Variants in SRCIN1 observed in about 807,000 individuals in gnomAD.
SRCIN1 encodes the protein P130Cas-associated protein.
SRCIN1 carries 50 observed loss-of-function variants against 116.2 expected under a neutral mutation model. That is an observed-to-expected ratio of 0.43 (90% CI 0.34 to 0.54). The LOEUF is 0.54. SRCIN1 is among the 20% of genes least tolerant of loss of function. The pLI is 0.02. For missense variants in SRCIN1, 1,446 were observed against 1,672.0 expected, an observed-to-expected ratio of 0.86 and a Z score of 2.36; for synonymous variants, 736 against 750.0, an observed-to-expected ratio of 0.98 and a Z score of 0.30.
chr17:38,598,882 G>C (rs1282411572), intron 1 of SRCIN1, among the ~76,000 whole-genome samples: 1 of 152,144 alleles, frequency 6.6e-6, no homozygotes, highest in Non-Finnish European at 1.5e-5. Context: ...AGAATTCAGA[G>C]GACAGCTGAA....
At chr17:38,584,201 A>C (rs1272121670) in intron 1 of SRCIN1, among the ~76,000 whole-genome samples, 1 of 152,162 alleles carries the variant, frequency 6.6e-6, no homozygotes, top group African/African-American at 2.4e-5. Flanking sequence ...GAAGGGAAGC[A>C]AAGCTAGGAT....
intron 16 of SRCIN1, among the ~76,000 whole-genome samples, 161 bp downstream of exon 16, chr17:38,548,895 A>G (rs1027336745): frequency 3.1e-4 from 47 of 152,254 alleles, no homozygotes; most frequent in East Asian, 1.9e-3. Context: ...CATACCTAGA[A>G]TCCCAAACTA....
intron 18 of SRCIN1, among the ~76,000 whole-genome samples, chr17:38,543,392 C>T (rs191627250): frequency 1.5e-4 from 23 of 152,272 alleles, no homozygotes; most frequent in African/African-American, 5.1e-4. Context: ...GAGAGGGAAG[C>T]GGAGAGAGAA....
chr17:38,579,238 CG>C (rs1668974739), intron 1 of SRCIN1, among the ~76,000 whole-genome samples: 2 of 152,198 alleles, frequency 1.3e-5, no homozygotes, highest in South Asian at 4.1e-4. Context: ...AAAATGAGCT[CG>C]TAGTCTTCCT....
chr17:38,533,380 C>T lies in SRCIN1; in HGVS notation c.3469G>A (p.Val1157Ile), dbSNP rs1330785089. 2.5e-6 allele frequency: 4 copies of T among 1,611,852 alleles called. No individual in the cohort carries two copies. Among genetic ancestry groups the T allele is most frequent in the Non-Finnish European group, 3.4e-6 (4 of 1,179,256 alleles). ...CTGGAAGCCGAGGGCTTTTCTGAGA[C>T]TGGGCTCGAGGTCTCATTCGACCCG... ...MSGSNETSSP[V>I]SEKPSASRTS... The change falls in exon 19 of 19, where the codon GTC becomes ATC. Residue 1157 changes from valine to isoleucine, a missense_variant. Physicochemically the swap from Val to Ile is conservative, Grantham distance 29. This residue lies in a region of SRCIN1 where 531 missense variants were observed against 633.9 expected (regional missense o/e 0.84). Coordinates refer to ENST00000617146, the MANE Select transcript of SRCIN1 (RefSeq NM_025248.3).
upstream of SRCIN1, among the ~76,000 whole-genome samples, chr17:38,606,522 TG>T (rs1011017549): frequency 6.6e-6 from 1 of 152,076 alleles, no homozygotes; most frequent in Non-Finnish European, 1.5e-5. The surrounding 1 kb of genome is among the most constrained non-coding windows in gnomAD (Gnocchi z 5.2). Flanking sequence ...CGCCCCCTGC[TG>T]GGCCGCCGCC....
chr17:38,596,815 A>G (rs1908753975), intron 1 of SRCIN1, among the ~76,000 whole-genome samples: 1 of 152,008 alleles, frequency 6.6e-6, no homozygotes, highest in African/African-American at 2.4e-5. Context: ...GAAGTCCTTC[A>G]CCTAGCTACT....
chr17:38,603,911 T>G (rs1909209301), intron 1 of SRCIN1, among the ~76,000 whole-genome samples: 1 of 152,134 alleles, frequency 6.6e-6, no homozygotes, highest in Non-Finnish European at 1.5e-5. Context: ...CCCTGACACC[T>G]GTATGGAGTG....
chr17:38,584,468 C>G (rs1003058307), intron 1 of SRCIN1, among the ~76,000 whole-genome samples: 3 of 152,168 alleles, frequency 2.0e-5, no homozygotes, highest in Non-Finnish European at 2.9e-5. Context: ...CAGCCTGCCC[C>G]GCCTGGGAAA....
At chr17:38,597,585 A>C (rs1432104142) in intron 1 of SRCIN1, among the ~76,000 whole-genome samples, 1 of 152,206 alleles carries the variant, frequency 6.6e-6, no homozygotes, top group African/African-American at 2.4e-5. Flanking sequence ...CAGAGACAGA[A>C]ACTGAGCTTC....
rs1225028283 is a variant in SRCIN1, at chr17:38,568,830, CT to C, written c.325-600del. 2.0e-5 allele frequency among the ~76,000 whole-genome samples: 3 copies of C among 151,660 alleles called. No individual in the cohort carries two copies. Among genetic ancestry groups the C allele is most frequent in the African/African-American group, 4.8e-5 (2 of 41,318 alleles). ...TAACTGCTGAGAGAAAGTATTTAGA[CT>C]TAACTGGGTGGACAAGCAGAAAGTG... On this transcript the variant is annotated intron_variant, in intron 2 of 18. Coordinates refer to ENST00000617146, the MANE Select transcript of SRCIN1 (RefSeq NM_025248.3). The surrounding 1 kb of genome is among the most constrained non-coding windows in gnomAD (Gnocchi z 4.5).
At chr17:38,589,700 C>T (rs1459570820) in intron 1 of SRCIN1, among the ~76,000 whole-genome samples, 1 of 152,212 alleles carries the variant, frequency 6.6e-6, no homozygotes, top group Non-Finnish European at 1.5e-5. Flanking sequence ...GCCGGAGAGC[C>T]TCTGCCCAGC....
At position 38,544,016 on chromosome 17, in the gene SRCIN1, G is replaced by C; in HGVS notation, c.3271-47C>G. The C allele has an allele frequency of 6.5e-7, 1 of 1,531,278 alleles. No homozygotes were observed. Among genetic ancestry groups the C allele is most frequent in the Non-Finnish European group, 8.8e-7 (1 of 1,142,198 alleles). The allele number at this position is 1,531,278 out of a possible 1,614,324, so 94.9% of individuals were successfully genotyped here. On this transcript the variant is annotated intron_variant, in intron 17 of 18. Transcript: ENST00000617146. The surrounding 1 kb of genome is among the most constrained non-coding windows in gnomAD (Gnocchi z 4.5). ...TGCAGTTGCAGAGTCCACATGGGGT[G>C]AATCACACAGGAACCCTAGCACTGG...
rs1279627916 is a variant in SRCIN1 at position 38,572,069 on chromosome 17, G to T, written c.325-3838C>A. 6.6e-6 allele frequency among the ~76,000 whole-genome samples: 1 copy of T among 152,052 alleles called. No individual in the cohort carries two copies. The highest frequency in any genetic ancestry group is 1.5e-5 in the Non-Finnish European group (1 of 68,018). On this transcript the variant is annotated intron_variant, in intron 2 of 18. Transcript: ENST00000617146. This position sits in a 1 kb window ranked among gnomAD's most constrained non-coding sequence, Gnocchi z 4.3. ...CAGGCATCCCCAGCAGGTTCAGTGA[G>T]CAAATGACCCCTCCTTGACCTCAAG...
Position 38,604,627 on chromosome 17 carries a change from AGCACCAGCAGCCGCACAC to A in SRCIN1, c.22+1039_22+1056del, listed in dbSNP as rs1175550221. 2.4e-6 allele frequency: 1 copy of A among 424,176 alleles called. No homozygotes were observed. Among genetic ancestry groups the A allele is most frequent in the South Asian group, 1.6e-5 (1 of 60,618 alleles). 26.3% of individuals were successfully genotyped at this position (424,176 alleles called of 1,614,324 possible). A position where few individuals can be genotyped will look rare whatever the true frequency, so the allele number is the denominator to read the frequency against. ...TGGGGACGCGTGGGGCTGGGGGACG[AGCACCAGCAGCCGCACAC>A]GCCCCGCCGGGCCCTGACAGCTGAG... On this transcript the variant is annotated intron_variant, in intron 1 of 18. Coordinates refer to ENST00000617146, the MANE Select transcript of SRCIN1 (RefSeq NM_025248.3). The surrounding 1 kb of genome is among the most constrained non-coding windows in gnomAD (Gnocchi z 4.3).
chr17:38,564,767 G>A (rs1195216263), intron 3 of SRCIN1, among the ~76,000 whole-genome samples: 1 of 131,566 alleles, frequency 7.6e-6, no homozygotes, highest in Non-Finnish European at 1.6e-5. Flanking sequence ...GGGTGGGGGC[G>A]GGAAGCAGGG....
chr17:38,600,154 C>A (rs1908942380), intron 1 of SRCIN1, among the ~76,000 whole-genome samples: 1 of 152,236 alleles, frequency 6.6e-6, no homozygotes, highest in African/African-American at 2.4e-5. Context: ...TGCATTTCCT[C>A]TGGCCCAGTC....
intron 1 of SRCIN1, among the ~76,000 whole-genome samples, chr17:38,587,217 G>C (rs1027952855): frequency 1.3e-5 from 2 of 151,986 alleles, no homozygotes; most frequent in Non-Finnish European, 2.9e-5. Context: ...CATCAGGAGT[G>C]GGGTGGGGTC....
chr17:38,579,936 G>A (rs1452819245), intron 1 of SRCIN1, among the ~76,000 whole-genome samples: 1 of 152,096 alleles, frequency 6.6e-6, no homozygotes, highest in Non-Finnish European at 1.5e-5. Flanking sequence ...CAGTCCATAG[G>A]GAGACAAGCA....
Sources: allele counts gnomAD v4.1 joint callset (sites outside exome capture counted in the v4.1 genomes callset), GRCh38; gene constraint gnomAD v4.1.1; regional missense constraint gnomAD v4.1.1; non-coding constraint Gnocchi (gnomAD v3.1); transcripts MANE v1.5; gene names NCBI Gene and HGNC (gene_info 2026-07-23, HGNC 2026-07-21).